PAX5: variants seen among roughly 807,000 people sequenced by gnomAD.
The protein encoded by PAX5 is paired box 5, also known as paired box protein Pax-5.
PAX5 carries 9 observed loss-of-function variants against 43.7 expected under a neutral mutation model. The observed-to-expected ratio is 0.21, with a 90% CI of 0.12 to 0.36. The LOEUF (loss-of-function observed/expected upper bound fraction) is 0.36, where lower values mean the gene tolerates loss of function less well. PAX5 is among the 10% of genes least tolerant of loss of function. The pLI, the probability that PAX5 is intolerant of heterozygous loss-of-function variation, is 1.00. For synonymous variants in PAX5, 228 were observed against 214.3 expected (o/e 1.06, Z -0.56); for missense variants, 383 against 532.7 (o/e 0.72, Z 2.77).
chr9:36,897,032 G>C (rs1299303415), intron 7 of PAX5, among the ~76,000 whole-genome samples: 1 of 152,230 alleles, frequency 6.6e-6, no homozygotes, highest in Non-Finnish European at 1.5e-5. Flanking sequence ...CAGGGCCTCA[G>C]TGTGTAGGGT....
At chr9:36,971,237 C>T (rs1370609281) in intron 5 of PAX5, among the ~76,000 whole-genome samples, 1 of 152,238 alleles carries the variant, frequency 6.6e-6, no homozygotes, top group Admixed American at 6.5e-5. Flanking sequence ...AGTACTCTGA[C>T]TGAAAAGGCG....
intron 1 of PAX5, among the ~76,000 whole-genome samples, chr9:37,032,709 A>C (rs1352339958): frequency 6.6e-6 from 1 of 152,172 alleles, no homozygotes; most frequent in Non-Finnish European, 1.5e-5. Flanking sequence ...GGGCCAAGAG[A>C]GTGTTTGTGT....
intron 5 of PAX5, among the ~76,000 whole-genome samples, chr9:36,974,803 GC>G (rs1284109514): frequency 6.6e-6 from 1 of 151,910 alleles, no homozygotes; most frequent in Non-Finnish European, 1.5e-5. Flanking sequence ...CCCTTCCAAG[GC>G]TCCCCGGGGA....
At chr9:36,844,384 G>C (rs1302150276) in intron 9 of PAX5, among the ~76,000 whole-genome samples, 1 of 152,196 alleles carries the variant, frequency 6.6e-6, no homozygotes, top group Non-Finnish European at 1.5e-5. Context: ...AGGTGAATTA[G>C]TTCACCTTTC....
intron 8 of PAX5, among the ~76,000 whole-genome samples, chr9:36,869,963 A>AATGG (rs1258090884): frequency 3.9e-4 from 13 of 33,376 alleles, no homozygotes; most frequent in African/African-American, 8.5e-4. Flanking sequence ...TGGATGGATA[A>AATGG]ATGGATGGAT....
chr9:36,950,670 T>A (rs1832918225), intron 6 of PAX5, among the ~76,000 whole-genome samples: 1 of 152,158 alleles, frequency 6.6e-6, no homozygotes, highest in Non-Finnish European at 1.5e-5. Flanking sequence ...GAAGTCTGCT[T>A]CTGTTCCTTC....
At chr9:36,885,779 C>A (rs889248604) in intron 7 of PAX5, among the ~76,000 whole-genome samples, 1 of 152,120 alleles carries the variant, frequency 6.6e-6, no homozygotes, top group Admixed American at 6.5e-5. Flanking sequence ...TAATTCTTCA[C>A]CCCACCCTCA....
rs369627877 is a variant in PAX5, at chr9:36,950,570, G to A, written c.780+15979C>T. Among the ~76,000 whole-genome samples, 31 of 152,158 alleles carry A rather than the reference G, an allele frequency of 2.0e-4. No homozygotes were observed. In the East Asian group the frequency reaches 4.6e-3, roughly 23 times the overall value. ...AGCCCAATCCACATTTAGGCAGCTCGCCTGCTTGGAAGGTTTCCTTCAACT... is the reference window on the plus strand; with the variant it reads ...AGCCCAATCCACATTTAGGCAGCTCACCTGCTTGGAAGGTTTCCTTCAACT... On this transcript the variant is annotated intron_variant, in intron 6 of 9. Coordinates refer to ENST00000358127, the MANE Select transcript of PAX5 (RefSeq NM_016734.3).
At chr9:36,938,490 T>C (rs543541981) in intron 6 of PAX5, among the ~76,000 whole-genome samples, 28 of 152,128 alleles carry the variant, frequency 1.8e-4, no homozygotes, top group Non-Finnish European at 3.5e-4. Flanking sequence ...TTGCTAGAAA[T>C]AGGCTTCCCA....
At chr9:36,996,091 C>T (rs1837370984) in intron 5 of PAX5, among the ~76,000 whole-genome samples, 3 of 152,244 alleles carry the variant, frequency 2.0e-5, no homozygotes. Flanking sequence ...TGGAATCGCT[C>T]CGTGGCTCCA....
chr9:36,929,999 T>C (rs532135994), intron 6 of PAX5, among the ~76,000 whole-genome samples: 1 of 152,010 alleles, frequency 6.6e-6, no homozygotes, highest in Non-Finnish European at 1.5e-5. Context: ...GTGCTGGGAT[T>C]TACAGGCATG....
At chr9:36,879,516 C>A (rs540373132) in intron 8 of PAX5, among the ~76,000 whole-genome samples, 2 of 152,260 alleles carry the variant, frequency 1.3e-5, no homozygotes, top group African/African-American at 4.8e-5. Context: ...GAGAGCACAC[C>A]CAGGCAGCCC....
intron 6 of PAX5, among the ~76,000 whole-genome samples, chr9:36,928,275 C>T (rs929844447): frequency 1.3e-5 from 2 of 152,346 alleles, no homozygotes; most frequent in Admixed American, 1.3e-4. Flanking sequence ...ATTCCAGACA[C>T]TGTCCTACCT....
rs770334586 is a variant in PAX5, at chr9:36,835,471, C to T, written c.*5089G>A. 478 of 232,868 alleles carry T rather than the reference C, an allele frequency of 2.1e-3. 3 individuals are homozygous for T. Among genetic ancestry groups the T allele is most frequent in the Admixed American group, 3.2e-3 (57 of 17,788 alleles). The allele number at this position is 232,868 out of a possible 1,614,324, so 14.4% of individuals were successfully genotyped here. A position where few individuals can be genotyped will look rare whatever the true frequency, so the allele number is the denominator to read the frequency against. ...GACCTGGCGCCACACGAGGTGCAGC[C>T]GAGCTGACAGTGGGGAAGTACACAT... On this transcript the variant is annotated 3_prime_UTR_variant, in exon 10 of 10. Transcript: ENST00000358127.
rs745314221 is a variant in PAX5 at position 36,840,565 on chromosome 9, G to A, written c.1171C>T (p.His391Tyr). The A allele has an allele frequency of 6.3e-7, 1 of 1,586,214 alleles. No homozygotes were observed. The highest frequency in any genetic ancestry group is 8.6e-7 in the Non-Finnish European group (1 of 1,167,400). The change falls in exon 10 of 10, where the codon CAC (histidine) becomes TAC (tyrosine). Residue 391 changes from histidine (H) to tyrosine (Y), a missense_variant. Around this residue, in one of 5 missense-constraint regions of PAX5, gnomAD observed 291 missense variants for 342.5 expected, o/e 0.85. Coordinates refer to ENST00000358127, the MANE Select transcript of PAX5 (RefSeq NM_016734.3). ...PPAAATAYDR[H>Y] ...TGCCCGCCTGGCTCCAAGGGTCAGT[G>A]ACGGTCATAGGCAGTGGCGGCTGCA...
At chr9:36,899,915 C>T (rs1409572051) in intron 7 of PAX5, among the ~76,000 whole-genome samples, 5 of 152,192 alleles carry the variant, frequency 3.3e-5, no homozygotes, top group East Asian at 3.9e-4. Flanking sequence ...TGTGCAGATT[C>T]CCTTGGGCTT....
intron 6 of PAX5, among the ~76,000 whole-genome samples, chr9:36,955,786 T>A (rs56129822): frequency 0.032 from 3,692 of 114,504 alleles, 65 homozygotes; most frequent in Middle Eastern, 0.091. Flanking sequence ...AAAAAAAATA[T>A]ATATATATAT....
chr9:36,841,936 G>A (rs559077900), intron 9 of PAX5, among the ~76,000 whole-genome samples: 1 of 152,252 alleles, frequency 6.6e-6, no homozygotes, highest in South Asian at 2.1e-4. Context: ...TACCATAACT[G>A]GGGGCTGAGT....
intron 5 of PAX5, among the ~76,000 whole-genome samples, chr9:36,999,614 A>G (rs1252551064): frequency 6.6e-6 from 1 of 152,164 alleles, no homozygotes. Flanking sequence ...CATCCGAAAA[A>G]TGGGCAAGGA....
Sources: allele counts gnomAD v4.1 joint callset (sites outside exome capture counted in the v4.1 genomes callset), GRCh38; gene constraint gnomAD v4.1.1; regional missense constraint gnomAD v4.1.1; transcripts MANE v1.5; gene names NCBI Gene and HGNC (gene_info 2026-07-23, HGNC 2026-07-21).